KHDRBS2: variants seen among roughly 807,000 people sequenced by gnomAD.
The protein encoded by KHDRBS2 is KH RNA binding domain containing, signal transduction associated 2.
KHDRBS2 carries 26 observed loss-of-function variants against 44.3 expected under a neutral mutation model. The observed-to-expected ratio is 0.59, with a 90% CI of 0.43 to 0.81. The LOEUF (loss-of-function observed/expected upper bound fraction) is 0.81. Among genes scored for constraint, KHDRBS2 ranks in the 40% least tolerant of loss-of-function variants. The pLI is 0.00. For synonymous variants in KHDRBS2, 194 were observed against 151.1 expected (o/e 1.28, Z -2.08); for missense variants, 476 against 433.1 (o/e 1.10, Z -0.88).
intron 2 of KHDRBS2, among the ~76,000 whole-genome samples, chr6:62,058,819 A>G (rs1206285009): frequency 6.6e-6 from 1 of 151,900 alleles, no homozygotes; most frequent in Non-Finnish European, 1.5e-5. Context: ...ATGAGTATTG[A>G]AGAAAACAGA....
intron 1 of KHDRBS2, among the ~76,000 whole-genome samples, chr6:62,239,301 G>A (rs113197449): frequency 1.8e-4 from 27 of 152,242 alleles, no homozygotes; most frequent in African/African-American, 4.8e-4. Flanking sequence ...GGCTGAGCAC[G>A]GTGGCTGACA....
chr6:61,555,344 T>C, the KHDRBS2 span, among the ~76,000 whole-genome samples: 1 of 152,242 alleles, frequency 6.6e-6, no homozygotes, highest in Non-Finnish European at 1.5e-5. Flanking sequence ...AAGTAAGTTT[T>C]TCATCTTTGT....
At chr6:61,639,048 C>T in the KHDRBS2 span, among the ~76,000 whole-genome samples, 2 of 152,096 alleles carry the variant, frequency 1.3e-5, no homozygotes, top group Non-Finnish European at 2.9e-5. Context: ...ATTAAATTAT[C>T]TTGTGAATTT....
At chr6:62,036,219 A>G (rs1450789900) in intron 3 of KHDRBS2, among the ~76,000 whole-genome samples, 1 of 151,948 alleles carries the variant, frequency 6.6e-6, no homozygotes, top group Non-Finnish European at 1.5e-5. Flanking sequence ...TCTGTGGCAA[A>G]CAGAAGAGAG....
At chr6:62,041,305 T>A (rs1183101234) in intron 3 of KHDRBS2, among the ~76,000 whole-genome samples, 1 of 151,928 alleles carries the variant, frequency 6.6e-6, no homozygotes, top group Non-Finnish European at 1.5e-5. Context: ...CACTCTAGCC[T>A]GGGCAGCAAG....
At chr6:61,978,666 T>C (rs1321666269) in intron 3 of KHDRBS2, among the ~76,000 whole-genome samples, 1 of 152,088 alleles carries the variant, frequency 6.6e-6, no homozygotes, top group Non-Finnish European at 1.5e-5. Context: ...GGTTACTTGA[T>C]TGTGATAAAA....
intron 2 of KHDRBS2, among the ~76,000 whole-genome samples, chr6:62,054,930 A>G (rs1789920573): frequency 6.6e-6 from 1 of 152,080 alleles, no homozygotes; most frequent in African/African-American, 2.4e-5. Flanking sequence ...TACGTAATAT[A>G]TAGCATAATA....
the KHDRBS2 span, among the ~76,000 whole-genome samples, chr6:61,572,450 TC>T: frequency 9.1e-3 from 1,386 of 151,972 alleles, 12 homozygotes; most frequent in Non-Finnish European, 0.016. Context: ...AGAGGGAATC[TC>T]CCCTGAATAA....
chr6:62,153,825 C>G (rs1197153762), intron 2 of KHDRBS2, among the ~76,000 whole-genome samples: 1 of 152,136 alleles, frequency 6.6e-6, no homozygotes, highest in East Asian at 1.9e-4. Flanking sequence ...TGGCTCCCCT[C>G]AAAACTCTCC....
At chr6:61,944,443 TA>T (rs765706627) in intron 4 of KHDRBS2, among the ~76,000 whole-genome samples, 177 of 142,012 alleles carry the variant, frequency 1.2e-3, no homozygotes, top group Non-Finnish European at 1.3e-3. Flanking sequence ...ATGTGCAAGG[TA>T]AAAAAAAAAA....
intron 1 of KHDRBS2, among the ~76,000 whole-genome samples, chr6:62,221,830 C>A (rs1290659884): frequency 6.6e-6 from 1 of 151,970 alleles, no homozygotes; most frequent in African/African-American, 2.4e-5. Context: ...GATATCACTG[C>A]CAACACTCTA....
chr6:61,832,836 C>T (rs895548021), intron 6 of KHDRBS2, among the ~76,000 whole-genome samples: 5 of 152,010 alleles, frequency 3.3e-5, no homozygotes, highest in African/African-American at 9.7e-5. Context: ...AAATGGCTTG[C>T]GTGATTGAAC....
At chr6:61,556,414 A>G in the KHDRBS2 span, among the ~76,000 whole-genome samples, 3 of 152,200 alleles carry the variant, frequency 2.0e-5, no homozygotes, top group African/African-American at 7.2e-5. Context: ...TATGGTGACA[A>G]ATACAAGTTT....
intron 6 of KHDRBS2, among the ~76,000 whole-genome samples, chr6:61,888,943 C>T (rs997598852): frequency 2.6e-5 from 4 of 151,988 alleles, no homozygotes; most frequent in African/African-American, 9.7e-5. Flanking sequence ...TATGACACTT[C>T]CCCCAGAGCC....
At chr6:61,992,904 G>C (rs780149040) in intron 3 of KHDRBS2, among the ~76,000 whole-genome samples, 1 of 151,980 alleles carries the variant, frequency 6.6e-6, no homozygotes, top group Non-Finnish European at 1.5e-5. Flanking sequence ...ACCAATACTG[G>C]AAAGTACACT....
chr6:62,189,096 G>A (rs1358722346), intron 1 of KHDRBS2, among the ~76,000 whole-genome samples: 2 of 151,646 alleles, frequency 1.3e-5, no homozygotes, highest in Non-Finnish European at 2.9e-5. Context: ...CAGCCTGAGC[G>A]ACAGAGCAAG....
intron 7 of KHDRBS2, among the ~76,000 whole-genome samples, chr6:61,726,396 C>T (rs937849437): frequency 2.6e-5 from 4 of 152,160 alleles, no homozygotes; most frequent in African/African-American, 9.7e-5. Context: ...CACTCTTATT[C>T]AACTTAGTAC....
At chr6:61,903,288 A>G (rs1338950267) in intron 4 of KHDRBS2, among the ~76,000 whole-genome samples, 1 of 152,184 alleles carries the variant, frequency 6.6e-6, no homozygotes, top group Non-Finnish European at 1.5e-5. Context: ...TTCTTCTCTG[A>G]GGAAAACACA....
intron 3 of KHDRBS2, among the ~76,000 whole-genome samples, chr6:62,047,222 A>G (rs1385726559): frequency 6.6e-6 from 1 of 151,982 alleles, no homozygotes; most frequent in Non-Finnish European, 1.5e-5. Flanking sequence ...AAATCTCTAC[A>G]AATTGTCATT....
Sources: gnomAD v4.1 joint callset for allele counts (sites outside exome capture counted in the v4.1 genomes callset) on GRCh38, gnomAD v4.1.1 for gene constraint, MANE v1.5 for transcripts, NCBI Gene and HGNC (gene_info 2026-07-23, HGNC 2026-07-21) for gene names.